The following FERMT2 variants were observed in gnomAD, a reference collection of about 807,000 sequenced individuals.
FERMT2 encodes FERM domain containing kindlin 2.
In FERMT2, 15 loss-of-function variants were observed where a neutral mutation model predicts 82.7. The ratio of observed to expected loss-of-function variants is 0.18; its 90% CI spans 0.12 to 0.28. The LOEUF is 0.28. Among genes scored for constraint, FERMT2 ranks in the 10% least tolerant of loss-of-function variants. FERMT2 has a pLI of 1.00. For missense variants in FERMT2, 645 were observed against 809.4 expected (o/e 0.80, Z 2.46); for synonymous variants, 274 against 271.5 (o/e 1.01, Z -0.09).
At chr14:52,880,910 T>TA in intron 6 of FERMT2, 126 bp downstream of exon 6, 1 of 593,214 alleles carries the variant, frequency 1.7e-6, no homozygotes, top group Non-Finnish European at 2.8e-6. Flanking sequence ...TTTGGGTTTT[T>TA]AATAATTATT....
In FERMT2 at chr14:52,872,092, G is replaced by A. The variant is rs536325103; in HGVS notation, c.1273+707C>T. On this transcript the variant is annotated intron_variant, in intron 10 of 14. Transcript: ENST00000341590. ...TGGGACCAGCCTGTCATCAGTGAGG[G>A]TGAGGAAGAGCAGGATGTCGAAGAA... The A allele has an allele frequency of 4.6e-5, 7 of 152,600 alleles. No individual in the cohort carries two copies. The East Asian group carries it at 1.2e-3, about 25-fold the overall frequency. The allele number at this position is 152,600 out of a possible 1,614,324, so 9.5% of individuals were successfully genotyped here.
chr14:52,909,249 C>T (rs1479198444), intron 3 of FERMT2, among the ~76,000 whole-genome samples: 5 of 152,086 alleles, frequency 3.3e-5, no homozygotes, highest in Non-Finnish European at 7.4e-5. Flanking sequence ...CAAAAAGTTT[C>T]GAATTTTGGA....
At chr14:52,896,999 A>AACACACACACACACACACAC (rs57945447) in intron 3 of FERMT2, among the ~76,000 whole-genome samples, 13 of 137,186 alleles carry the variant, frequency 9.5e-5, no homozygotes, top group African/African-American at 3.7e-4. Context: ...AAACAAATAA[A>AACACACACACACACACACAC]ACACACACAC....
intron 2 of FERMT2, among the ~76,000 whole-genome samples, chr14:52,919,989 C>A (rs1017585100): frequency 6.6e-6 from 1 of 152,228 alleles, no homozygotes; most frequent in East Asian, 1.9e-4. Flanking sequence ...TAAAGTCACA[C>A]TGCCCAACAT....
At chr14:52,916,957 T>G (rs1465085209) in intron 3 of FERMT2, among the ~76,000 whole-genome samples, 1 of 152,210 alleles carries the variant, frequency 6.6e-6, no homozygotes, top group African/African-American at 2.4e-5. Context: ...CTTTGTAAAC[T>G]AAAACAAAAT....
chr14:52,913,572 T>C (rs148242522), intron 3 of FERMT2, among the ~76,000 whole-genome samples: 11 of 152,216 alleles, frequency 7.2e-5, no homozygotes, highest in African/African-American at 2.2e-4. Flanking sequence ...ATCTGGACTT[T>C]ATGGTTTCTG....
chr14:52,900,584 T>C (rs1203716217), intron 3 of FERMT2, among the ~76,000 whole-genome samples: 1 of 152,124 alleles, frequency 6.6e-6, no homozygotes, highest in Non-Finnish European at 1.5e-5. Context: ...AGAAAAGTTT[T>C]GGGAAGCAGA....
chr14:52,946,833 C>A (rs533608174), intron 2 of FERMT2, among the ~76,000 whole-genome samples: 3 of 152,028 alleles, frequency 2.0e-5, no homozygotes, highest in Non-Finnish European at 4.4e-5. Flanking sequence ...CCACCACATC[C>A]AGCTAATTTT....
intron 2 of FERMT2, among the ~76,000 whole-genome samples, chr14:52,935,272 A>G (rs1249850185): frequency 4.6e-5 from 7 of 152,168 alleles, no homozygotes; most frequent in Non-Finnish European, 8.8e-5. Context: ...TATTTCAATT[A>G]AGGTACCCCA....
intron 4 of FERMT2, among the ~76,000 whole-genome samples, chr14:52,888,964 T>C (rs919193499): frequency 2.0e-5 from 3 of 152,170 alleles, no homozygotes; most frequent in African/African-American, 7.2e-5. Context: ...TGGGTCTGTG[T>C]GTACTCATGA....
rs539216334 is a variant in FERMT2 at position 52,882,194 on chromosome 14, A to C, written c.527-725T>G. On this transcript the variant is annotated intron_variant, in intron 4 of 14. Transcript: ENST00000341590. ...ATAGTAAAGTCTTCTCAGTGAATAA[A>C]CAGGTTTCAACAATTTTACAAATAA... Among the ~76,000 whole-genome samples, 7 of 152,304 alleles carry C rather than the reference A, an allele frequency of 4.6e-5. No homozygotes were observed. The East Asian group carries it at 1.3e-3, about 29-fold the overall frequency.
At chr14:52,886,125 A>T (rs986430072) in intron 4 of FERMT2, among the ~76,000 whole-genome samples, 5 of 152,194 alleles carry the variant, frequency 3.3e-5, no homozygotes, top group African/African-American at 1.2e-4. Flanking sequence ...CTATCCTAGT[A>T]TTAGGGAAAT....
intron 3 of FERMT2, among the ~76,000 whole-genome samples, chr14:52,901,117 A>T (rs944653209): frequency 6.7e-6 from 1 of 148,932 alleles, no homozygotes; most frequent in Admixed American, 6.7e-5. Context: ...AAAAAAAAAA[A>T]AAAAAAAAAA....
intron 4 of FERMT2, 63 bp downstream of exon 4, chr14:52,893,230 G>C: frequency 7.0e-7 from 1 of 1,424,244 alleles, no homozygotes; most frequent in Middle Eastern, 1.9e-4. Context: ...CCCACCACCA[G>C]AAAGACAAAG....
intron 10 of FERMT2, among the ~76,000 whole-genome samples, chr14:52,866,181 A>C (rs1885268413): frequency 6.6e-6 from 1 of 152,230 alleles, no homozygotes; most frequent in South Asian, 2.1e-4. Flanking sequence ...CTCAGGCACT[A>C]GTGTAGGCTC....
intron 2 of FERMT2, among the ~76,000 whole-genome samples, chr14:52,930,128 T>G (rs1469023739): frequency 6.6e-6 from 1 of 152,216 alleles, no homozygotes; most frequent in East Asian, 1.9e-4. Context: ...GAATCCATTT[T>G]ATCTTCAACT....
intron 3 of FERMT2, among the ~76,000 whole-genome samples, chr14:52,894,370 A>T (rs1393940110): frequency 6.6e-6 from 1 of 152,250 alleles, no homozygotes; most frequent in Non-Finnish European, 1.5e-5. Flanking sequence ...CTAAAGATTT[A>T]ATGAGATGCC....
In FERMT2 at chr14:52,893,207, C is replaced by T. The variant is rs145403187; in HGVS notation, c.526+86G>A. 2.2e-5 allele frequency: 28 copies of T among 1,271,212 alleles called. No homozygotes were observed. The South Asian group carries it at 2.9e-4, about 13-fold the overall frequency. 78.7% of individuals were successfully genotyped at this position (1,271,212 alleles called of 1,614,324 possible). ...TAACTTGACCACTCTTCCTGACCTA[C>T]ATGATCCATTTACCCACCACCAGAA... On this transcript the variant is annotated intron_variant, in intron 4 of 14. Transcript: ENST00000341590.
chr14:52,881,248 G>C lies in FERMT2; in HGVS notation c.748C>G (p.Gln250Glu). The change falls in exon 5 of 15, where the codon CAA (glutamine) becomes GAA (glutamate). Residue 250 changes from glutamine to glutamate, a missense_variant. Gln to Glu is a conservative substitution (Grantham distance 29, BLOSUM62 2). Coordinates refer to ENST00000341590, the MANE Select transcript of FERMT2 (RefSeq NM_006832.3). ...QALLDKAKIN[Q>E]GWLDSSRSLM... is the part of the protein sequence containing the mutation. Reference sequence around the variant, plus strand: ...TATCTATATCTTAAAACTTACCCTTGGTTGATTTTTGCTTTATCAAGAAGA... The same window carrying C: ...TATCTATATCTTAAAACTTACCCTTCGTTGATTTTTGCTTTATCAAGAAGA... 1 of 1,612,992 alleles carries C rather than the reference G, an allele frequency of 6.2e-7. No homozygotes were observed. Among genetic ancestry groups the C allele is most frequent in the Non-Finnish European group, 8.5e-7 (1 of 1,179,132 alleles).
Sources: gnomAD v4.1 joint callset for allele counts (sites outside exome capture counted in the v4.1 genomes callset) on GRCh38, gnomAD v4.1.1 for gene constraint, MANE v1.5 for transcripts, NCBI Gene and HGNC (gene_info 2026-07-23, HGNC 2026-07-21) for gene names.